LAMA2: variants seen among roughly 807,000 people sequenced by gnomAD.
LAMA2 encodes the protein laminin subunit alpha-2.
LAMA2 carries 269 observed loss-of-function variants against 364.8 expected under a neutral mutation model. The observed-to-expected ratio is 0.74, with a 90% CI of 0.67 to 0.82. LAMA2 has a LOEUF of 0.82. Among genes scored for constraint, LAMA2 ranks in the 40% least tolerant of loss-of-function variants. The pLI is 0.00. For missense variants in LAMA2, 3,807 were observed against 3,873.2 expected, an observed-to-expected ratio of 0.98 and a Z score of 0.45; for synonymous variants, 1,379 against 1,370.6, an observed-to-expected ratio of 1.01 and a Z score of -0.14.
intron 1 of LAMA2, among the ~76,000 whole-genome samples, chr6:128,931,669 A>G (rs1258762791): frequency 6.6e-6 from 1 of 152,336 alleles, no homozygotes; most frequent in South Asian, 2.1e-4. Flanking sequence ...GAACATGTCT[A>G]GTCATAGTCT....
chr6:129,227,950 C>A (rs1174347508), intron 12 of LAMA2, among the ~76,000 whole-genome samples: 1 of 152,178 alleles, frequency 6.6e-6, no homozygotes, highest in African/African-American at 2.4e-5. Flanking sequence ...GGCAGGCAGG[C>A]ATCCTTGAGC....
chr6:129,055,698 T>G (rs79192876), intron 2 of LAMA2, among the ~76,000 whole-genome samples: 3,460 of 152,312 alleles, frequency 0.023, 120 homozygotes, highest in African/African-American at 0.078. Flanking sequence ...GGTCCGCAGT[T>G]AATTATCCTG....
chr6:129,209,971 T>G (rs1782978767), intron 12 of LAMA2, among the ~76,000 whole-genome samples: 1 of 128,462 alleles, frequency 7.8e-6, no homozygotes, highest in African/African-American at 3.1e-5. Context: ...GCCACTGCAC[T>G]CCAGCCCGGG....
chr6:129,055,009 A>G (rs902082521), intron 2 of LAMA2, among the ~76,000 whole-genome samples: 37 of 150,746 alleles, frequency 2.5e-4, no homozygotes, highest in African/African-American at 8.7e-4. Context: ...TGGAAGATAA[A>G]TATATTCAGC....
At chr6:128,900,218 A>G (rs1033839255) in intron 1 of LAMA2, among the ~76,000 whole-genome samples, 19 of 152,180 alleles carry the variant, frequency 1.2e-4, no homozygotes, top group African/African-American at 4.6e-4. Flanking sequence ...CGCAGTACCT[A>G]TATTCTTCTC....
chr6:129,291,094 CA>C (rs1458626651), intron 19 of LAMA2, among the ~76,000 whole-genome samples: 2 of 152,024 alleles, frequency 1.3e-5, no homozygotes, highest in African/African-American at 2.4e-5. Flanking sequence ...AAAATTTTGC[CA>C]GGGGTGCTAT....
intron 56 of LAMA2, chr6:129,491,009 A>T (rs1226519594): frequency 1.3e-5 from 2 of 152,130 alleles, no homozygotes; most frequent in African/African-American, 2.4e-5. Flanking sequence ...CTTCTTTATA[A>T]AGTCAAGTAA....
intron 12 of LAMA2, among the ~76,000 whole-genome samples, chr6:129,199,098 C>T (rs1259208120): frequency 6.6e-6 from 1 of 152,004 alleles, no homozygotes; most frequent in Non-Finnish European, 1.5e-5. Flanking sequence ...ATGAAAATAT[C>T]CTAAATAAAA....
At chr6:129,108,915 T>C (rs942095637) in intron 4 of LAMA2, among the ~76,000 whole-genome samples, 3 of 152,124 alleles carry the variant, frequency 2.0e-5, no homozygotes, top group Non-Finnish European at 2.9e-5. Context: ...GCATACCTGA[T>C]TTGGTTTTAA....
intron 3 of LAMA2, among the ~76,000 whole-genome samples, chr6:129,075,505 A>G (rs1773577848): frequency 6.6e-6 from 1 of 152,236 alleles, no homozygotes; most frequent in Admixed American, 6.5e-5. Context: ...ATAGTGAGAT[A>G]AGTGTGAAAA....
At chr6:128,918,439 A>T (rs988254487) in intron 1 of LAMA2, among the ~76,000 whole-genome samples, 2 of 152,174 alleles carry the variant, frequency 1.3e-5, no homozygotes, top group African/African-American at 4.8e-5. Context: ...TCTCAAGTGA[A>T]ATTAGAATTA....
At position 129,403,799 on chromosome 6, in the gene LAMA2, C is replaced by T. The variant is rs80125253; in HGVS notation, c.5727-22C>T. 0.47 allele frequency: 743,911 copies of T among 1,595,498 alleles called. 176,947 individuals are homozygous for T. The highest frequency in any genetic ancestry group is 0.62 in the African/African-American group (46,297 of 74,352). ...AGTACCATTGAGTGCCCTGACATTC[C>T]TTTTTTGAATCATCCCACCAGAATC... is the stretch of plus-strand genomic sequence containing the variant. On this transcript the variant is annotated intron_variant, in intron 39 of 64. Transcript: ENST00000421865.
chr6:129,474,015 G>C (rs1339567174), intron 52 of LAMA2, among the ~76,000 whole-genome samples: 2 of 151,994 alleles, frequency 1.3e-5, no homozygotes, highest in Non-Finnish European at 2.9e-5. Flanking sequence ...TAGTCTATAA[G>C]GATGGTACTT....
intron 12 of LAMA2, among the ~76,000 whole-genome samples, chr6:129,235,953 C>A (rs965055127): frequency 6.6e-6 from 1 of 152,090 alleles, no homozygotes; most frequent in Non-Finnish European, 1.5e-5. Context: ...AAATACTGTG[C>A]AATGTACTTA....
chr6:129,244,298 AG>A (rs1397070775), intron 12 of LAMA2, among the ~76,000 whole-genome samples: 1 of 152,132 alleles, frequency 6.6e-6, no homozygotes, highest in Admixed American at 6.6e-5. Context: ...AAAACCTTGA[AG>A]TAAAACACTG....
chr6:129,341,085 T>A (rs891383185), intron 29 of LAMA2, among the ~76,000 whole-genome samples: 1 of 152,166 alleles, frequency 6.6e-6, no homozygotes, highest in African/African-American at 2.4e-5. Flanking sequence ...AAACATTAAT[T>A]CCATGGCAAT....
At chr6:129,371,907 A>G (rs1206678312) in intron 34 of LAMA2, among the ~76,000 whole-genome samples, 1 of 152,128 alleles carries the variant, frequency 6.6e-6, no homozygotes, top group Non-Finnish European at 1.5e-5. Context: ...GCACCTGGCC[A>G]CAAGAAGTAT....
At chr6:129,015,855 A>G (rs576456650) in intron 1 of LAMA2, among the ~76,000 whole-genome samples, 78 of 152,092 alleles carry the variant, frequency 5.1e-4, no homozygotes, top group African/African-American at 1.9e-3. Flanking sequence ...CTGTAGTGGA[A>G]ATTTGGATTG....
chr6:129,429,997 C>T (rs923472062), intron 41 of LAMA2, among the ~76,000 whole-genome samples: 4 of 152,046 alleles, frequency 2.6e-5, no homozygotes, highest in African/African-American at 7.3e-5. Flanking sequence ...TCAGGTAGTA[C>T]ATTATTTAAA....
Sources: gnomAD v4.1 joint callset for allele counts (sites outside exome capture counted in the v4.1 genomes callset) on GRCh38, gnomAD v4.1.1 for gene constraint, MANE v1.5 for transcripts, NCBI Gene and HGNC (gene_info 2026-07-23, HGNC 2026-07-21) for gene names.